Variants in PTPRD observed in about 807,000 individuals in gnomAD.
The protein encoded by PTPRD is protein tyrosine phosphatase receptor type D, also known as receptor-type tyrosine-protein phosphatase delta.
A neutral mutation model predicts 214.5 loss-of-function variants in PTPRD; 34 were observed. That is an observed-to-expected ratio of 0.16 (90% CI 0.12 to 0.21). PTPRD has a LOEUF of 0.21. Ranked by LOEUF, PTPRD falls within the 10% of genes least tolerant of loss-of-function variation. The probability of loss-of-function intolerance (pLI) is 1.00; values close to 1 mark genes in which losing one functional copy is unlikely to be tolerated. For missense variants in PTPRD, 2,545 were observed against 2,398.7 expected (o/e 1.06, Z -1.27); for synonymous variants, 1,128 against 845.7 (o/e 1.33, Z -5.79).
chr9:10,133,916 CAG>C (rs2098922481), intron 3 of PTPRD, among the ~76,000 whole-genome samples: 1 of 152,046 alleles, frequency 6.6e-6, no homozygotes, highest in African/African-American at 2.4e-5. Flanking sequence ...TCATATATCA[CAG>C]TGACATATAA....
intron 2 of PTPRD, among the ~76,000 whole-genome samples, chr9:10,424,299 A>G (rs956303302): frequency 3.3e-5 from 5 of 150,270 alleles, no homozygotes; most frequent in Admixed American, 3.3e-4. Flanking sequence ...AAAGCTTGAT[A>G]ATATGGTTTC....
At chr9:9,548,553 C>T (rs879286097) in intron 8 of PTPRD, among the ~76,000 whole-genome samples, 3 of 151,780 alleles carry the variant, frequency 2.0e-5, no homozygotes, top group Non-Finnish European at 4.4e-5. Flanking sequence ...CGTCTGCCAC[C>T]ATGCCTGGCT....
At chr9:10,116,258 C>T (rs2098730474) in intron 3 of PTPRD, among the ~76,000 whole-genome samples, 1 of 152,002 alleles carries the variant, frequency 6.6e-6, no homozygotes. Context: ...AGATCCTATG[C>T]TACATGGATT....
intron 8 of PTPRD, among the ~76,000 whole-genome samples, chr9:9,454,352 C>T (rs984273519): frequency 2.0e-5 from 3 of 151,692 alleles, no homozygotes; most frequent in Non-Finnish European, 4.4e-5. Context: ...TACCAGCCAC[C>T]CATTCTTGCA....
rs1424352670 is a variant in PTPRD, at chr9:9,532,374, G to C, written c.-237+42358C>G. Among the ~76,000 whole-genome samples the C allele has an allele frequency of 3.9e-5, 6 of 152,130 alleles. No individual in the cohort carries two copies. In the East Asian group the frequency reaches 1.2e-3, roughly 29 times the overall value. On this transcript the variant is annotated intron_variant, in intron 8 of 45. Transcript: ENST00000381196. The stretch of plus-strand genomic sequence containing the variant: ...TTTCAGAGCCTAGAAGTAAATTCTA[G>C]CAATCTGACCTTACCAAACCAAGAC...
chr9:9,635,035 G>C (rs2095713530), intron 7 of PTPRD, among the ~76,000 whole-genome samples: 2 of 152,144 alleles, frequency 1.3e-5, no homozygotes, highest in African/African-American at 4.8e-5. Flanking sequence ...TGAGTGAATG[G>C]TATTTAAAGT....
intron 23 of PTPRD, among the ~76,000 whole-genome samples, chr9:8,503,377 A>G (rs993851574): frequency 1.3e-5 from 2 of 152,158 alleles, no homozygotes; most frequent in South Asian, 2.1e-4. Context: ...CAAAAAGTAA[A>G]GACAAAATAT....
intron 11 of PTPRD, among the ~76,000 whole-genome samples, chr9:8,998,422 G>A (rs1319269858): frequency 6.6e-6 from 1 of 152,034 alleles, no homozygotes; most frequent in Non-Finnish European, 1.5e-5. Context: ...AAGCCTGGAT[G>A]AGAGCACATC....
chr9:9,936,143 A>G (rs1409434535), intron 5 of PTPRD, among the ~76,000 whole-genome samples: 3 of 147,748 alleles, frequency 2.0e-5, no homozygotes, highest in Non-Finnish European at 4.4e-5. Flanking sequence ...AAACCTAGGC[A>G]TTACCATTCA....
chr9:8,782,862 C>G (rs1409174281), intron 11 of PTPRD, among the ~76,000 whole-genome samples: 9 of 152,138 alleles, frequency 5.9e-5, no homozygotes, highest in Admixed American at 5.9e-4. Flanking sequence ...CCGCAAAGGG[C>G]TGGGATTACA....
chr9:9,566,803 G>A (rs757394539), intron 8 of PTPRD, among the ~76,000 whole-genome samples: 4 of 151,812 alleles, frequency 2.6e-5, no homozygotes, highest in Non-Finnish European at 4.4e-5. Flanking sequence ...GCGTTTCTTC[G>A]GCCTATCTTA....
chr9:9,590,985 G>GCCT (rs762979511), intron 7 of PTPRD, among the ~76,000 whole-genome samples: 9 of 151,930 alleles, frequency 5.9e-5, no homozygotes, highest in Admixed American at 1.3e-4. Context: ...TAATTAGAAT[G>GCCT]CCTTCTGTGG....
At chr9:8,561,024 C>A (rs917970663) in intron 14 of PTPRD, among the ~76,000 whole-genome samples, 5 of 151,988 alleles carry the variant, frequency 3.3e-5, no homozygotes, top group African/African-American at 1.2e-4. Flanking sequence ...TTAAACTCCA[C>A]CTCCAAACTG....
At chr9:9,598,738 C>T (rs1199592168) in intron 7 of PTPRD, among the ~76,000 whole-genome samples, 1 of 151,764 alleles carries the variant, frequency 6.6e-6, no homozygotes, top group African/African-American at 2.4e-5. Context: ...ACTTTTAATG[C>T]CTTTCCCTCA....
intron 10 of PTPRD, among the ~76,000 whole-genome samples, chr9:9,130,932 C>G (rs540072062): frequency 6.6e-6 from 1 of 152,126 alleles, no homozygotes; most frequent in Non-Finnish European, 1.5e-5. Context: ...TATGACGAAC[C>G]CTTTAGTAAA....
At chr9:9,169,951 G>A (rs1025176268) in intron 10 of PTPRD, among the ~76,000 whole-genome samples, 1 of 152,192 alleles carries the variant, frequency 6.6e-6, no homozygotes, top group South Asian at 2.1e-4. Context: ...TGATGGCTCT[G>A]CCATAAGGGA....
chr9:10,110,419 G>C (rs1352944740), intron 3 of PTPRD, among the ~76,000 whole-genome samples: 3 of 152,272 alleles, frequency 2.0e-5, no homozygotes, highest in Admixed American at 2.0e-4. Context: ...TTGGTTTTCT[G>C]TCTGACTCTA....
intron 4 of PTPRD, among the ~76,000 whole-genome samples, chr9:9,964,825 G>C (rs1467051913): frequency 6.6e-6 from 1 of 152,040 alleles, no homozygotes. Context: ...GATAAATACG[G>C]AATTTGTATG....
chr9:9,632,030 T>C (rs1352211090), intron 7 of PTPRD, among the ~76,000 whole-genome samples: 2 of 152,164 alleles, frequency 1.3e-5, no homozygotes, highest in Non-Finnish European at 2.9e-5. Flanking sequence ...ATCATTCCAA[T>C]GCAAAAGATA....
Sources: gnomAD v4.1 joint callset for allele counts (sites outside exome capture counted in the v4.1 genomes callset) on GRCh38, gnomAD v4.1.1 for gene constraint, MANE v1.5 for transcripts, NCBI Gene and HGNC (gene_info 2026-07-23, HGNC 2026-07-21) for gene names.